Variants in AMD1 observed in about 807,000 individuals in gnomAD.
AMD1 encodes the protein S-adenosylmethionine decarboxylase proenzyme.
AMD1 carries 11 observed loss-of-function variants against 40.2 expected under a neutral mutation model. The observed-to-expected ratio is 0.27, with a 90% CI of 0.17 to 0.45. The LOEUF (loss-of-function observed/expected upper bound fraction) is 0.45. Ranked by LOEUF, AMD1 falls within the 20% of genes least tolerant of loss-of-function variation. AMD1 has a pLI of 1.00. For synonymous variants in AMD1, 121 were observed against 130.8 expected, an observed-to-expected ratio of 0.93 and a Z score of 0.51; for missense variants, 257 against 410.2, an observed-to-expected ratio of 0.63 and a Z score of 3.23.
At chr6:110,830,628 C>G in the AMD1 span, among the ~76,000 whole-genome samples, 1 of 152,248 alleles carries the variant, frequency 6.6e-6, no homozygotes, top group Admixed American at 6.5e-5. Flanking sequence ...TCTGGGCACA[C>G]TGTCTATGGG....
rs1294919833 is a variant in AMD1, at chr6:110,892,997, G to A, written c.796G>A (p.Asp266Asn). 1 of 1,613,952 alleles carries A rather than the reference G, an allele frequency of 6.2e-7. No individual in the cohort carries two copies. Among genetic ancestry groups the A allele is most frequent in the Admixed American group, 1.7e-5 (1 of 59,994 alleles). ...AAACTTAAGTCAGACCTCCTATGAT[G>A]ACCTGATCAGGAAAGTTGTAGAAGT... is the stretch of plus-strand genomic sequence containing the variant. ...ETNLSQTSYDDLIRKVVEVFK... is the reference protein window; with the variant it reads ...ETNLSQTSYDNLIRKVVEVFK... Residue 266 changes from aspartate (D) to asparagine (N), a missense_variant, in exon 8 of 9, where the codon GAC becomes AAC. Asp to Asn is a conservative substitution (Grantham distance 23). Around this residue, in one of 3 missense-constraint regions of AMD1, gnomAD observed 192 missense variants for 296.5 expected, o/e 0.65. Transcript: ENST00000368885.
the AMD1 span, among the ~76,000 whole-genome samples, chr6:110,833,675 C>G: frequency 1.3e-5 from 2 of 152,094 alleles, no homozygotes; most frequent in Non-Finnish European, 2.9e-5. Context: ...TAGACTAACT[C>G]CTCTTAAACT....
chr6:110,845,803 G>A, the AMD1 span, among the ~76,000 whole-genome samples: 4 of 152,136 alleles, frequency 2.6e-5, no homozygotes, highest in African/African-American at 4.8e-5. Flanking sequence ...CCTTGTGATC[G>A]TGTGAGTCAA....
chr6:110,815,380 AC>A, the AMD1 span: 2 of 367,640 alleles, frequency 5.4e-6, no homozygotes, highest in Non-Finnish European at 4.8e-6. Context: ...TCCCGCAGGC[AC>A]CCCCAGTCCC....
the AMD1 span, among the ~76,000 whole-genome samples, chr6:110,831,911 A>G: frequency 6.6e-6 from 1 of 151,548 alleles, no homozygotes; most frequent in Non-Finnish European, 1.5e-5. Flanking sequence ...TGGCATTATC[A>G]CAGCTGACTG....
At position 110,875,118 on chromosome 6, in the gene AMD1, C is replaced by G; in HGVS notation, c.13C>G (p.His5Asp). Reference protein sequence around the residue: MEAAHFFEGTEKLLE... With the variant: MEAADFFEGTEKLLE... Reference sequence around the variant, plus strand: ...TAGTCTCACGGTGATGGAAGCTGCACATTTTTTCGAAGGGACCGAGAAGCT... The same window carrying G: ...TAGTCTCACGGTGATGGAAGCTGCAGATTTTTTCGAAGGGACCGAGAAGCT... Residue 5 changes from histidine (H) to aspartate (D), a missense_variant, in exon 1 of 9, where the codon CAT (histidine) becomes GAT (aspartate). By Grantham distance (81) the His-to-Asp change is moderately conservative (BLOSUM62 -1). Transcript: ENST00000368885. 1.2e-6 allele frequency: 2 copies of G among 1,613,518 alleles called. No individual in the cohort carries two copies. The highest frequency in any genetic ancestry group is 1.7e-6 in the Non-Finnish European group (2 of 1,179,750).
At chr6:110,886,781 A>G (rs926237325) in intron 1 of AMD1, among the ~76,000 whole-genome samples, 12 of 152,220 alleles carry the variant, frequency 7.9e-5, no homozygotes, top group African/African-American at 1.9e-4. Context: ...TCAAAAAATA[A>G]TATCTGTCAT....
rs908818820 is a variant in AMD1 at position 110,894,246 on chromosome 6, A to G, written c.*630A>G. On this transcript the variant is annotated 3_prime_UTR_variant, in exon 9 of 9. Coordinates refer to ENST00000368885, the MANE Select transcript of AMD1 (RefSeq NM_001634.6). ...TTTAACATTATTGGACCCTGCATTT[A>G]TAGTCCTTTGATTTCTTCCCTCTCC... The G allele has an allele frequency of 3.9e-5, 6 of 152,818 alleles. No homozygotes were observed. Among genetic ancestry groups the G allele is most frequent in the African/African-American group, 1.4e-4 (6 of 41,446 alleles). The allele number at this position is 152,818 out of a possible 1,614,324, so 9.5% of individuals were successfully genotyped here.
the AMD1 span, among the ~76,000 whole-genome samples, chr6:110,829,808 T>C: frequency 6.6e-6 from 1 of 152,006 alleles, no homozygotes; most frequent in Admixed American, 6.6e-5. Flanking sequence ...ATTGCGCCAC[T>C]GCACTCTAGC....
the AMD1 span, among the ~76,000 whole-genome samples, chr6:110,857,709 TG>T: frequency 6.9e-6 from 1 of 145,668 alleles, no homozygotes; most frequent in Non-Finnish European, 1.5e-5. Context: ...TATATATAGA[TG>T]GTATATATAT....
chr6:110,827,097 A>T, the AMD1 span, among the ~76,000 whole-genome samples: 3 of 152,040 alleles, frequency 2.0e-5, no homozygotes, highest in Non-Finnish European at 2.9e-5. Context: ...CAAATAGCCT[A>T]TTTCAAAATA....
chr6:110,854,385 G>A, the AMD1 span, among the ~76,000 whole-genome samples: 4 of 152,024 alleles, frequency 2.6e-5, no homozygotes, highest in African/African-American at 9.7e-5. Context: ...ATGTAGGGCA[G>A]CAAGGTGCAT....
At position 110,887,542 on chromosome 6, in the gene AMD1, T is replaced by G. The variant is rs1369069219; in HGVS notation, c.148T>G (p.Ser50Ala). 2 of 1,609,542 alleles carry G rather than the reference T, an allele frequency of 1.2e-6. No homozygotes were observed. Among genetic ancestry groups the G allele is most frequent in the Admixed American group, 3.4e-5 (2 of 58,976 alleles). The change falls in exon 2 of 9, where the codon TCA becomes GCA. Residue 50 changes from serine (S) to alanine (A), a missense_variant. Ser to Ala is a moderately conservative substitution (Grantham distance 99). This residue lies in a region of AMD1 where 57 missense variants were observed against 76.8 expected (regional missense o/e 0.74). Transcript: ENST00000368885. ...CATACTTTTGAAGGATGTGCAATGT[T>G]CAATCATAAGTGTGACAAAAACTGA... ...WDILLKDVQC[S>A]IISVTKTDKQ...
At chr6:110,844,789 A>C in the AMD1 span, among the ~76,000 whole-genome samples, 1 of 151,528 alleles carries the variant, frequency 6.6e-6, no homozygotes, top group South Asian at 2.1e-4. Flanking sequence ...TTCAGAAAAA[A>C]AAAAGAAAGA....
intron 1 of AMD1, among the ~76,000 whole-genome samples, chr6:110,877,451 C>T (rs1177950132): frequency 2.0e-5 from 3 of 152,220 alleles, no homozygotes; most frequent in East Asian, 3.8e-4. Context: ...GGACGGAGTC[C>T]GGTCGGTGGG....
intron 1 of AMD1, among the ~76,000 whole-genome samples, chr6:110,880,024 C>T (rs1216922499): frequency 1.3e-5 from 2 of 151,636 alleles, no homozygotes; most frequent in South Asian, 2.1e-4. Flanking sequence ...GGTGCCATCT[C>T]AGCTCACTGC....
the AMD1 span, among the ~76,000 whole-genome samples, chr6:110,869,375 G>A: frequency 1.2e-4 from 18 of 151,344 alleles, no homozygotes; most frequent in South Asian, 2.1e-3. Context: ...CTCGTGATCC[G>A]CCCGCCTCGG....
the AMD1 span, among the ~76,000 whole-genome samples, chr6:110,869,270 A>G: frequency 1.3e-5 from 2 of 151,636 alleles, no homozygotes; most frequent in East Asian, 4.0e-4. Context: ...AGCTGGGACT[A>G]CAGGAGCCCG....
At chr6:110,851,915 C>CA in the AMD1 span, among the ~76,000 whole-genome samples, 1 of 151,972 alleles carries the variant, frequency 6.6e-6, no homozygotes, top group South Asian at 2.1e-4. Flanking sequence ...AATGAATATG[C>CA]AAAAAATAAG....
Sources: gnomAD v4.1 joint callset for allele counts (sites outside exome capture counted in the v4.1 genomes callset) on GRCh38, gnomAD v4.1.1 for gene constraint, gnomAD v4.1.1 regional missense constraint, MANE v1.5 for transcripts, NCBI Gene and HGNC (gene_info 2026-07-23, HGNC 2026-07-21) for gene names.